DCC: variants seen among roughly 807,000 people sequenced by gnomAD.
DCC encodes the protein DCC netrin 1 receptor.
In DCC, 58 loss-of-function variants were observed where a neutral mutation model predicts 172.5. That is an observed-to-expected ratio of 0.34 (90% CI 0.27 to 0.42). The LOEUF is 0.42. DCC is among the 10% of genes least tolerant of loss of function. The pLI, the probability that DCC is intolerant of heterozygous loss-of-function variation, is 1.00. For synonymous variants in DCC, 709 were observed against 644.5 expected, an observed-to-expected ratio of 1.10 and a Z score of -1.52; for missense variants, 1,740 against 1,791.0, an observed-to-expected ratio of 0.97 and a Z score of 0.51.
intron 1 of DCC, among the ~76,000 whole-genome samples, chr18:52,444,043 C>G (rs1000838028): frequency 6.6e-6 from 1 of 152,030 alleles, no homozygotes; most frequent in Non-Finnish European, 1.5e-5. Flanking sequence ...AACAGATGCC[C>G]GGGATTTCTG....
intron 8 of DCC, among the ~76,000 whole-genome samples, chr18:53,158,469 T>G (rs888352762): frequency 2.6e-5 from 4 of 152,148 alleles, no homozygotes; most frequent in Non-Finnish European, 5.9e-5. Context: ...CCCTCAAATT[T>G]GTGAGTGCTG....
chr18:52,845,544 C>T (rs866448145), intron 2 of DCC, among the ~76,000 whole-genome samples: 5 of 152,158 alleles, frequency 3.3e-5, no homozygotes, highest in Non-Finnish European at 7.3e-5. Flanking sequence ...TTAGAGGCTG[C>T]AAACCTGGCA....
At chr18:52,652,907 A>T (rs2144928159) in intron 1 of DCC, among the ~76,000 whole-genome samples, 1 of 152,164 alleles carries the variant, frequency 6.6e-6, no homozygotes, top group Middle Eastern at 3.4e-3. Flanking sequence ...CCCCACCAGG[A>T]GCTTGCTTAG....
At chr18:52,839,702 G>C (rs1245043024) in intron 2 of DCC, among the ~76,000 whole-genome samples, 1 of 152,162 alleles carries the variant, frequency 6.6e-6, no homozygotes, top group Non-Finnish European at 1.5e-5. Context: ...TCCCTGAATT[G>C]TATCTTCATT....
chr18:52,389,708 T>C (rs977611071), intron 1 of DCC, among the ~76,000 whole-genome samples: 3 of 152,112 alleles, frequency 2.0e-5, no homozygotes, highest in Non-Finnish European at 2.9e-5. Context: ...AGAAGCTAAA[T>C]AATAACTTAA....
At chr18:52,670,151 C>CTT (rs1233061024) in intron 1 of DCC, among the ~76,000 whole-genome samples, 1 of 152,206 alleles carries the variant, frequency 6.6e-6, no homozygotes, top group Non-Finnish European at 1.5e-5. Flanking sequence ...CCACTGTTGT[C>CTT]TTTTAAATTT....
intron 5 of DCC, among the ~76,000 whole-genome samples, chr18:52,943,560 A>G (rs12458530): frequency 0.14 from 21,703 of 152,144 alleles, 1,820 homozygotes; most frequent in East Asian, 0.35. Context: ...GATGCATGAA[A>G]GCACTTTCTG....
chr18:52,379,434 T>C (rs1452647569), intron 1 of DCC, among the ~76,000 whole-genome samples: 12 of 152,108 alleles, frequency 7.9e-5, no homozygotes, highest in African/African-American at 2.7e-4. Flanking sequence ...ATTATTTCCC[T>C]TGTAGAAAAC....
At chr18:52,408,849 C>T (rs1986746984) in intron 1 of DCC, among the ~76,000 whole-genome samples, 1 of 152,064 alleles carries the variant, frequency 6.6e-6, no homozygotes, top group Non-Finnish European at 1.5e-5. Context: ...TCACTGGAAA[C>T]TTCTGAGTTC....
At chr18:53,258,520 T>C (rs917288797) in intron 12 of DCC, among the ~76,000 whole-genome samples, 5 of 152,188 alleles carry the variant, frequency 3.3e-5, no homozygotes, top group Admixed American at 1.3e-4. Context: ...AGTTGAGCGG[T>C]TTTGAGTGAG....
intron 2 of DCC, among the ~76,000 whole-genome samples, chr18:52,898,293 G>T (rs1204519455): frequency 6.6e-6 from 1 of 152,142 alleles, no homozygotes; most frequent in Non-Finnish European, 1.5e-5. Flanking sequence ...CTGATAGTCT[G>T]CCAAGAAGGC....
chr18:52,366,149 T>C (rs1045737169), intron 1 of DCC, among the ~76,000 whole-genome samples: 2 of 152,234 alleles, frequency 1.3e-5, no homozygotes, highest in African/African-American at 4.8e-5. Flanking sequence ...TGCTGACTCC[T>C]GACTTTCCTC....
intron 12 of DCC, among the ~76,000 whole-genome samples, chr18:53,305,227 C>T (rs140493459): frequency 1.1e-4 from 17 of 152,264 alleles, no homozygotes; most frequent in African/African-American, 2.9e-4. Flanking sequence ...TAGCTCCCTC[C>T]GATTTGCACC....
chr18:53,209,272 T>G lies in DCC; in HGVS notation c.1861+1455T>G, dbSNP rs539248953. Among the ~76,000 whole-genome samples the G allele has an allele frequency of 4.6e-5, 7 of 152,244 alleles. No homozygotes were observed. In the South Asian group the frequency reaches 1.5e-3, roughly 32 times the overall value. On this transcript the variant is annotated intron_variant, in intron 11 of 28. Transcript: ENST00000442544. Reference sequence around the variant, plus strand: ...AGATGATCATGAAAGGTTGGGAAATTTTATAAAAAGTGAAAATAAAATACA... The same window carrying G: ...AGATGATCATGAAAGGTTGGGAAATGTTATAAAAAGTGAAAATAAAATACA...
intron 9 of DCC, among the ~76,000 whole-genome samples, chr18:53,184,002 TA>T (rs201337705): frequency 0.046 from 6,330 of 138,326 alleles, 338 homozygotes; most frequent in African/African-American, 0.13. Context: ...GCATCTCATT[TA>T]AAAAAAAAAA....
At position 52,546,219 on chromosome 18, in the gene DCC, C is replaced by T. The variant is rs142910840; in HGVS notation, c.91+205341C>T. Among the ~76,000 whole-genome samples, 106 of 152,170 alleles carry T rather than the reference C, an allele frequency of 7.0e-4. 1 individual carries two copies. In the East Asian group the frequency reaches 8.7e-3, roughly 12 times the overall value. On this transcript the variant is annotated intron_variant, in intron 1 of 28. Coordinates refer to ENST00000442544, the MANE Select transcript of DCC (RefSeq NM_005215.4). ...ACTAAATTAATACAAAATAAGATCA[C>T]GTTAGCAAAGTACACTGGAGATCTA...
chr18:53,065,435 A>T (rs369745891), intron 6 of DCC, among the ~76,000 whole-genome samples: 1 of 152,224 alleles, frequency 6.6e-6, no homozygotes, highest in Non-Finnish European at 1.5e-5. Flanking sequence ...TATTTAATCT[A>T]TAAAGGTGAA....
At chr18:52,851,641 T>C (rs1234690284) in intron 2 of DCC, among the ~76,000 whole-genome samples, 1 of 152,120 alleles carries the variant, frequency 6.6e-6, no homozygotes, top group Non-Finnish European at 1.5e-5. Flanking sequence ...AAATAGCAAA[T>C]TGAGTTTAAG....
At chr18:53,262,456 A>G (rs2056618245) in intron 12 of DCC, among the ~76,000 whole-genome samples, 1 of 152,248 alleles carries the variant, frequency 6.6e-6, no homozygotes, top group Admixed American at 6.5e-5. Flanking sequence ...TCCTGGCCAG[A>G]CATTTAAAGC....
Sources: gnomAD v4.1 joint callset for allele counts (sites outside exome capture counted in the v4.1 genomes callset) on GRCh38, gnomAD v4.1.1 for gene constraint, MANE v1.5 for transcripts, NCBI Gene and HGNC (gene_info 2026-07-23, HGNC 2026-07-21) for gene names.